Variants in TLCD4 observed in about 807,000 individuals in gnomAD.
TLCD4 encodes the protein TLC domain-containing protein 4.
A neutral mutation model predicts 24.2 loss-of-function variants in TLCD4; 7 were observed. That is an observed-to-expected ratio of 0.29 (90% CI 0.16 to 0.54). The LOEUF is 0.54. TLCD4 is among the 20% of genes least tolerant of loss of function. The pLI is 0.95. For missense variants in TLCD4, 259 were observed against 313.9 expected (o/e 0.82, Z 1.32); for synonymous variants, 103 against 106.4 (o/e 0.97, Z 0.20).
In TLCD4 at chr1:95,195,709, C is replaced by T. The variant is rs1402219883; in HGVS notation, c.*3841C>T. On this transcript the variant is annotated 3_prime_UTR_variant, in exon 7 of 7. Transcript: ENST00000370203. Reference sequence around the variant, plus strand: ...AGCTCATTGAAATACATTAAAGCTACTGAAAGTGAGTTCTGATGCAAAACA... The same window carrying T: ...AGCTCATTGAAATACATTAAAGCTATTGAAAGTGAGTTCTGATGCAAAACA... 6.6e-6 allele frequency: 1 copy of T among 152,128 alleles called. No homozygotes were observed. The highest frequency in any genetic ancestry group is 1.5e-5 in the Non-Finnish European group (1 of 68,024). The allele number at this position is 152,128 out of a possible 1,614,324, so 9.4% of individuals were successfully genotyped here. A position where few individuals can be genotyped will look rare whatever the true frequency, so the allele number is the denominator to read the frequency against.
At chr1:95,172,511 A>G (rs747889525) in intron 5 of TLCD4, among the ~76,000 whole-genome samples, 19 of 152,170 alleles carry the variant, frequency 1.2e-4, no homozygotes, top group Non-Finnish European at 1.3e-4. Context: ...CCCCCTGTGC[A>G]TTCAATGCTC....
At chr1:95,113,081 C>T (rs1266189088), upstream of TLCD4, among the ~76,000 whole-genome samples, 69 of 146,874 alleles carry the variant, frequency 4.7e-4, 1 homozygote, top group South Asian at 4.3e-4. Context: ...CTTGCTCTGT[C>T]GCCCAGGCTG....
At chr1:95,188,352 T>A (rs983181767) in intron 6 of TLCD4, among the ~76,000 whole-genome samples, 1 of 133,838 alleles carries the variant, frequency 7.5e-6, no homozygotes, top group Non-Finnish European at 1.5e-5. Context: ...CGCGCCACTG[T>A]ACTCCAGCCT....
At chr1:95,128,506 A>C (rs1264180459) in intron 1 of TLCD4, among the ~76,000 whole-genome samples, 1 of 152,208 alleles carries the variant, frequency 6.6e-6, no homozygotes, top group African/African-American at 2.4e-5. Context: ...TGTACCTATA[A>C]TGGAAGGGAG....
chr1:95,108,296 A>ATTTTGAGT, the TLCD4 span, among the ~76,000 whole-genome samples: 1 of 151,916 alleles, frequency 6.6e-6, no homozygotes, highest in Non-Finnish European at 1.5e-5. Flanking sequence ...TGGCTTTTAG[A>ATTTTGAGT]TTTTGAGTCA....
At chr1:95,182,922 T>C (rs1678698028) in intron 6 of TLCD4, among the ~76,000 whole-genome samples, 1 of 152,052 alleles carries the variant, frequency 6.6e-6, no homozygotes, top group African/African-American at 2.4e-5. Flanking sequence ...ATAAACATGC[T>C]ATGGGAAAGA....
chr1:95,131,307 G>T (rs970989968), intron 1 of TLCD4, among the ~76,000 whole-genome samples: 1 of 152,188 alleles, frequency 6.6e-6, no homozygotes. Flanking sequence ...GTGAACTTGG[G>T]AGTAGAGGGG....
At chr1:95,118,675 G>A (rs1676495483) in intron 1 of TLCD4, among the ~76,000 whole-genome samples, 1 of 152,218 alleles carries the variant, frequency 6.6e-6, no homozygotes, top group South Asian at 2.1e-4. Flanking sequence ...AGCGCATGGT[G>A]TCGATTGAAA....
At chr1:95,181,611 T>TTATTTATTTATTTA (rs1678646604) in intron 6 of TLCD4, among the ~76,000 whole-genome samples, 3 of 109,320 alleles carry the variant, frequency 2.7e-5, no homozygotes, top group African/African-American at 3.1e-5. Context: ...TTATTTTTTT[T>TTATTTATTTATTTA]TTTGAGATGG....
upstream of TLCD4, among the ~76,000 whole-genome samples, chr1:95,113,749 A>C (rs1676381293): frequency 6.6e-6 from 1 of 152,220 alleles, no homozygotes; most frequent in Admixed American, 6.5e-5. Context: ...AAGAACATAA[A>C]AAGATGGCCA....
At chr1:95,167,386 A>C (rs951813706) in intron 5 of TLCD4, among the ~76,000 whole-genome samples, 5 of 152,164 alleles carry the variant, frequency 3.3e-5, no homozygotes, top group African/African-American at 1.2e-4. Flanking sequence ...AAAGTTTGCC[A>C]ATAAATATTT....
intron 6 of TLCD4, among the ~76,000 whole-genome samples, chr1:95,188,755 C>T (rs963119501): frequency 3.3e-5 from 5 of 152,000 alleles, no homozygotes; most frequent in Non-Finnish European, 5.9e-5. Context: ...GCTCTCTGGC[C>T]CTAAATGATA....
At chr1:95,150,363 T>G (rs771594443) in intron 4 of TLCD4, 97 bp downstream of exon 4, 14 of 1,460,968 alleles carry the variant, frequency 9.6e-6, no homozygotes, top group South Asian at 2.7e-5. Context: ...ATTTGAGAGA[T>G]AGCATTTAGG....
intron 6 of TLCD4, among the ~76,000 whole-genome samples, chr1:95,190,983 A>C (rs369245108): frequency 1.3e-5 from 2 of 152,184 alleles, no homozygotes; most frequent in Non-Finnish European, 2.9e-5. Context: ...ACGAAGTCCA[A>C]CTTAACTAAC....
intron 5 of TLCD4, among the ~76,000 whole-genome samples, chr1:95,168,751 AG>A (rs1678109605): frequency 1.3e-5 from 2 of 152,016 alleles, no homozygotes; most frequent in Admixed American, 6.6e-5. Context: ...TTGACTTTAG[AG>A]GTGATGTGCT....
intron 1 of TLCD4, among the ~76,000 whole-genome samples, chr1:95,125,299 C>T (rs540353084): frequency 2.6e-5 from 4 of 152,186 alleles, no homozygotes; most frequent in Non-Finnish European, 5.9e-5. Flanking sequence ...TTTTGCACAT[C>T]ACCTTACTAA....
At chr1:95,105,688 G>A in the TLCD4 span, among the ~76,000 whole-genome samples, 213 of 152,146 alleles carry the variant, frequency 1.4e-3, 1 homozygote, top group South Asian at 2.5e-3. Context: ...GAGGCCAGGA[G>A]ATCGAGACCA....
chr1:95,125,368 G>A (rs940299148), intron 1 of TLCD4: 1 of 152,224 alleles, frequency 6.6e-6, no homozygotes, highest in Non-Finnish European at 1.5e-5. Context: ...CTGTCTGGCA[G>A]TATCAAACCT....
chr1:95,151,205 C>T, intron 4 of TLCD4, 120 bp from the exon 5 acceptor site: 1 of 984,826 alleles, frequency 1.0e-6, no homozygotes, highest in Non-Finnish European at 1.5e-6. Context: ...GAGGGATGAA[C>T]AAAGTGCTGT....
Sources: allele counts gnomAD v4.1 joint callset (sites outside exome capture counted in the v4.1 genomes callset), GRCh38; gene constraint gnomAD v4.1.1; transcripts MANE v1.5; gene names NCBI Gene and HGNC (gene_info 2026-07-23, HGNC 2026-07-21).